SYTL5: variants seen among roughly 807,000 people sequenced by gnomAD.
SYTL5 encodes synaptotagmin-like protein 5.
In SYTL5, 34 loss-of-function variants were observed where a neutral mutation model predicts 55.9. The ratio of observed to expected loss-of-function variants is 0.61; its 90% CI spans 0.46 to 0.81. SYTL5 has a LOEUF of 0.81. SYTL5 is among the 30% of genes least tolerant of loss of function. SYTL5 has a pLI of 0.00. For missense variants in SYTL5, 637 were observed against 546.7 expected (o/e 1.17, Z -1.65); for synonymous variants, 221 against 188.7 (o/e 1.17, Z -1.40).
the SYTL5 span, among the ~76,000 whole-genome samples, chrX:37,952,400 C>T: frequency 1.8e-5 from 2 of 111,380 alleles, no homozygotes; most frequent in South Asian, 3.8e-4. Context: ...AATGTTCTTT[C>T]CATGACAAGG....
the SYTL5 span, among the ~76,000 whole-genome samples, chrX:37,981,318 A>G: frequency 9.0e-6 from 1 of 111,463 alleles, no homozygotes; most frequent in East Asian, 2.8e-4. Context: ...TTTTTGTTTT[A>G]TTTTTGAGAC....
intron 13 of SYTL5, among the ~76,000 whole-genome samples, chrX:38,118,765 T>C (rs1301590545): frequency 9.1e-6 from 1 of 109,707 alleles, no homozygotes; most frequent in Non-Finnish European, 1.9e-5. Flanking sequence ...GTTTTGCTTA[T>C]TTTTTTAGAG....
chrX:37,905,291 C>T, the SYTL5 span, among the ~76,000 whole-genome samples: 2 of 110,338 alleles, frequency 1.8e-5, no homozygotes, highest in African/African-American at 6.6e-5. Context: ...GAAGGGGGCT[C>T]CTAGGAGATG....
At chrX:37,932,651 T>C in the SYTL5 span, among the ~76,000 whole-genome samples, 3 of 111,991 alleles carry the variant, frequency 2.7e-5, no homozygotes, top group Non-Finnish European at 5.6e-5. Flanking sequence ...ATTTTGGCTA[T>C]ATTGTCACAT....
rs144773975 is a variant in SYTL5 at position 38,062,088 on chromosome X, T to G, written c.329+7666T>G. On this transcript the variant is annotated intron_variant, in intron 3 of 16. Transcript: ENST00000297875. ...GTTCAAGTGATTCTCCTGCCTCAGT[T>G]TCCCAAGTGGCTGGGACTACAGGCA... is the stretch of plus-strand genomic sequence containing the variant. Among the ~76,000 whole-genome samples the G allele has an allele frequency of 4.1e-3, 457 of 110,917 alleles. 2 individuals carry two copies. Among genetic ancestry groups the G allele is most frequent in the African/African-American group, 0.014 (436 of 30,485 alleles).
chrX:37,921,847 G>A, the SYTL5 span, among the ~76,000 whole-genome samples: 1 of 111,554 alleles, frequency 9.0e-6, no homozygotes, highest in Admixed American at 9.6e-5. Context: ...TGAAAAAATT[G>A]GATACTCAAG....
At chrX:38,092,247 C>T (rs1444814278) in intron 7 of SYTL5, among the ~76,000 whole-genome samples, 2 of 111,655 alleles carry the variant, frequency 1.8e-5, no homozygotes, top group Non-Finnish European at 3.8e-5. Context: ...GAACTGATAA[C>T]ATATATATAA....
At chrX:37,900,676 G>GT in the SYTL5 span, among the ~76,000 whole-genome samples, 13 of 112,165 alleles carry the variant, frequency 1.2e-4, no homozygotes, top group Non-Finnish European at 2.1e-4. Flanking sequence ...GGCAGATGGT[G>GT]TATAACTTTG....
At chrX:38,016,876 A>G (rs1296937482) in intron 1 of SYTL5, among the ~76,000 whole-genome samples, 1 of 112,271 alleles carries the variant, frequency 8.9e-6, no homozygotes, top group East Asian at 2.8e-4. Context: ...CTCACTTTGA[A>G]TGCTGCAAAA....
the SYTL5 span, among the ~76,000 whole-genome samples, chrX:37,974,155 C>T: frequency 2.7e-5 from 3 of 111,438 alleles, no homozygotes; most frequent in Non-Finnish European, 3.8e-5. Context: ...GTTAATAATA[C>T]TGTATTGTAG....
the SYTL5 span, among the ~76,000 whole-genome samples, chrX:37,990,419 A>C: frequency 8.9e-6 from 1 of 112,329 alleles, no homozygotes; most frequent in Non-Finnish European, 1.9e-5. Flanking sequence ...TATGCTGTAC[A>C]TGTATCAGCA....
chrX:37,986,782 C>A, the SYTL5 span, among the ~76,000 whole-genome samples: 1 of 111,885 alleles, frequency 8.9e-6, no homozygotes, highest in Admixed American at 9.4e-5. Flanking sequence ...AGTGATGAAG[C>A]TTTTTATCAT....
intron 6 of SYTL5, among the ~76,000 whole-genome samples, chrX:38,081,719 C>T (rs894955567): frequency 8.9e-6 from 1 of 111,823 alleles, no homozygotes; most frequent in Non-Finnish European, 1.9e-5. Context: ...TCTAGAAAAC[C>T]GTGCTGAATG....
the SYTL5 span, among the ~76,000 whole-genome samples, chrX:37,905,050 C>T: frequency 9.0e-6 from 1 of 111,036 alleles, no homozygotes. Context: ...AATTCCCATG[C>T]CATGTTTGCT....
chrX:38,120,914 G>A (rs896238815), intron 14 of SYTL5, among the ~76,000 whole-genome samples: 2 of 111,495 alleles, frequency 1.8e-5, no homozygotes, highest in Non-Finnish European at 3.8e-5. Context: ...TTTGTATTAA[G>A]CTGTTTTTGC....
At chrX:37,894,966 G>T in the SYTL5 span, among the ~76,000 whole-genome samples, 3 of 111,117 alleles carry the variant, frequency 2.7e-5, no homozygotes, top group Non-Finnish European at 5.7e-5. Flanking sequence ...AGCTTTCCTG[G>T]TGCTCCAGCT....
chrX:37,967,848 T>C, the SYTL5 span, among the ~76,000 whole-genome samples: 1 of 108,394 alleles, frequency 9.2e-6, no homozygotes, highest in East Asian at 3.0e-4. Context: ...CAGTCTTCCT[T>C]CTTTGGCCTC....
the SYTL5 span, among the ~76,000 whole-genome samples, chrX:37,956,466 T>A: frequency 8.9e-6 from 1 of 112,314 alleles, no homozygotes; most frequent in Admixed American, 9.4e-5. Context: ...TGCCAGTCCC[T>A]GGCAACTGCC....
the SYTL5 span, among the ~76,000 whole-genome samples, chrX:37,897,213 G>C: frequency 9.6e-6 from 1 of 104,051 alleles, no homozygotes; most frequent in African/African-American, 3.6e-5. Context: ...GGCCGGGTGC[G>C]GTGGCTCATG....
Sources: allele counts gnomAD v4.1 joint callset (sites outside exome capture counted in the v4.1 genomes callset), GRCh38; gene constraint gnomAD v4.1.1; transcripts MANE v1.5; gene names NCBI Gene and HGNC (gene_info 2026-07-23, HGNC 2026-07-21).